The following SND1 variants were observed in gnomAD, a reference collection of about 807,000 sequenced individuals.
SND1 encodes the protein staphylococcal nuclease and tudor domain containing 1.
In SND1, 38 loss-of-function variants were observed where a neutral mutation model predicts 121.7. The ratio of observed to expected loss-of-function variants is 0.31; its 90% confidence interval spans 0.24 to 0.41. The LOEUF (loss-of-function observed/expected upper bound fraction) is 0.41, where lower values mean the gene tolerates loss of function less well. Ranked by LOEUF, SND1 falls within the 10% of genes least tolerant of loss-of-function variation. The probability of loss-of-function intolerance (pLI) is 1.00; values close to 1 mark genes in which losing one functional copy is unlikely to be tolerated. For missense variants in SND1, 868 were observed against 1,184.6 expected, an observed-to-expected ratio of 0.73 and a Z score of 3.92; for synonymous variants, 401 against 447.4, an observed-to-expected ratio of 0.90 and a Z score of 1.31.
Position 127,786,666 on chromosome 7 carries a change from C to T in SND1, c.1153-20818C>T, listed in dbSNP as rs1050493637. ...TTGTTTGTTTGTTTGTTTTTTGAGACGGAGTTTCGCTCTGTCGCCCAGGCT... is the reference window on the plus strand; with the variant it reads ...TTGTTTGTTTGTTTGTTTTTTGAGATGGAGTTTCGCTCTGTCGCCCAGGCT... On this transcript the variant is annotated intron_variant, in intron 10 of 23. Coordinates refer to ENST00000354725, the MANE Select transcript of SND1 (RefSeq NM_014390.4). Among the ~76,000 whole-genome samples, 3 of 152,044 alleles carry T rather than the reference C, an allele frequency of 2.0e-5. 1 individual carries two copies. Among genetic ancestry groups the T allele is most frequent in the East Asian group, 3.9e-4 (2 of 5,166 alleles).
chr7:127,746,751 C>T (rs1796990092), intron 10 of SND1, among the ~76,000 whole-genome samples: 2 of 152,078 alleles, frequency 1.3e-5, no homozygotes, highest in African/African-American at 4.8e-5. Context: ...GATGTCTGGC[C>T]TTTGTAGGTA....
intron 11 of SND1, among the ~76,000 whole-genome samples, chr7:127,833,250 ATTGAACTGTCTTTTTTTT>A (rs1166184353): frequency 2.2e-5 from 3 of 136,008 alleles, no homozygotes; most frequent in Non-Finnish European, 3.2e-5. Flanking sequence ...TGGGAATGTG[ATTGAACTGTCTTTTTTTT>A]TTTTTTTTTT....
At chr7:127,785,261 A>C (rs907162103) in intron 10 of SND1, among the ~76,000 whole-genome samples, 1 of 152,152 alleles carries the variant, frequency 6.6e-6, no homozygotes, top group Non-Finnish European at 1.5e-5. Context: ...TCAAAGTAGA[A>C]ATTAATTGGA....
At chr7:127,748,708 C>T (rs1274580245) in intron 10 of SND1, among the ~76,000 whole-genome samples, 1 of 152,170 alleles carries the variant, frequency 6.6e-6, no homozygotes, top group Non-Finnish European at 1.5e-5. Flanking sequence ...CTGTTAGAAA[C>T]TGCTGTAATT....
intron 1 of SND1, among the ~76,000 whole-genome samples, chr7:127,670,364 T>C (rs987557331): frequency 1.3e-5 from 2 of 152,184 alleles, no homozygotes; most frequent in African/African-American, 4.8e-5. Flanking sequence ...GCCATCCTCC[T>C]ACCTCAGCCT....
In SND1 at chr7:127,701,313, G is replaced by T. The variant is rs758485216; in HGVS notation, c.579G>T (p.Lys193Asn). Residue 193 changes from lysine to asparagine, a missense_variant, in exon 5 of 24, where the codon AAG becomes AAT. By Grantham distance (94) the Lys-to-Asn change is moderately conservative. This residue lies in a region of SND1 where 743 missense variants were observed against 1,071.3 expected (regional missense o/e 0.69). Transcript: ENST00000354725. ...PRHFVDSHHQ[K>N]PVNAIIEHVR... ...ACTTTGTGGACTCACACCACCAGAA[G>T]CCTGTTAATGGTGAGGCTGGTGGGA... The T allele has an allele frequency of 1.4e-5, 23 of 1,613,894 alleles. No homozygotes were observed. The highest frequency in any genetic ancestry group is 1.6e-5 in the Non-Finnish European group (19 of 1,179,892).
chr7:127,876,036 T>A (rs915474354), intron 12 of SND1, among the ~76,000 whole-genome samples: 1 of 152,128 alleles, frequency 6.6e-6, no homozygotes, highest in Admixed American at 6.5e-5. Context: ...AGTTAATAAA[T>A]GTACAGCGTT....
chr7:127,718,624 T>C (rs1365514426), intron 9 of SND1: 1 of 985,308 alleles, frequency 1.0e-6, no homozygotes, highest in African/African-American at 1.7e-5. Flanking sequence ...GAGAGTCTGC[T>C]GCTGGGGCCT....
chr7:127,820,539 G>A (rs1271578016), intron 11 of SND1, among the ~76,000 whole-genome samples: 1 of 152,160 alleles, frequency 6.6e-6, no homozygotes, highest in Non-Finnish European at 1.5e-5. Flanking sequence ...AGGGGCAAAT[G>A]GTAATAAGAT....
At chr7:127,978,846 C>A (rs917230463) in intron 15 of SND1, among the ~76,000 whole-genome samples, 1 of 152,132 alleles carries the variant, frequency 6.6e-6, no homozygotes. Context: ...ACCACCACGC[C>A]TGGCCAATTT....
intron 10 of SND1, among the ~76,000 whole-genome samples, chr7:127,755,311 G>T (rs928964927): frequency 1.3e-5 from 2 of 152,176 alleles, no homozygotes; most frequent in Non-Finnish European, 2.9e-5. Context: ...ATTGTAGTGT[G>T]AGGCATCTGA....
chr7:127,943,275 A>G (rs1475894114), intron 15 of SND1, among the ~76,000 whole-genome samples: 1 of 152,222 alleles, frequency 6.6e-6, no homozygotes, highest in East Asian at 1.9e-4. Context: ...CAGAGCTCCA[A>G]GTGGGGTCCA....
intron 10 of SND1, among the ~76,000 whole-genome samples, chr7:127,770,723 T>TA (rs998413745): frequency 2.0e-4 from 29 of 148,642 alleles, no homozygotes; most frequent in Middle Eastern, 3.5e-3. Flanking sequence ...TTCTTTCAAT[T>TA]AAAAAAAAAA....
chr7:127,829,815 C>A (rs1462735988), intron 11 of SND1, among the ~76,000 whole-genome samples: 2 of 152,102 alleles, frequency 1.3e-5, no homozygotes, highest in Non-Finnish European at 1.5e-5. Context: ...TTATATGATT[C>A]CATTTATACA....
chr7:127,712,056 T>G (rs1452332255), intron 9 of SND1, among the ~76,000 whole-genome samples: 1 of 152,160 alleles, frequency 6.6e-6, no homozygotes, highest in Non-Finnish European at 1.5e-5. Flanking sequence ...GAGGCTTTCC[T>G]CAGATATTTG....
At chr7:127,818,167 T>C (rs1798482416) in intron 11 of SND1, among the ~76,000 whole-genome samples, 1 of 152,210 alleles carries the variant, frequency 6.6e-6, no homozygotes, top group African/African-American at 2.4e-5. Flanking sequence ...TACTGTCTGG[T>C]TGAAATACAA....
At chr7:127,713,893 G>A (rs1796338965) in intron 9 of SND1, among the ~76,000 whole-genome samples, 1 of 152,222 alleles carries the variant, frequency 6.6e-6, no homozygotes, top group Admixed American at 6.5e-5. Context: ...ACAGCGATTA[G>A]CTGAGCTTGC....
intron 15 of SND1, among the ~76,000 whole-genome samples, chr7:127,948,269 C>A (rs1396266488): frequency 6.6e-6 from 1 of 152,166 alleles, no homozygotes; most frequent in Non-Finnish European, 1.5e-5. Context: ...CCTCTCAACC[C>A]CCCATTGTTA....
intron 8 of SND1, 112 bp downstream of exon 8, chr7:127,705,057 T>A: frequency 1.2e-6 from 1 of 861,116 alleles, no homozygotes; most frequent in Non-Finnish European, 1.9e-6. Context: ...TTTACTTCAG[T>A]AAAGGAGTAG....
Sources: gnomAD v4.1 joint callset for allele counts (sites outside exome capture counted in the v4.1 genomes callset) on GRCh38, gnomAD v4.1.1 for gene constraint, gnomAD v4.1.1 regional missense constraint, MANE v1.5 for transcripts, NCBI Gene and HGNC (gene_info 2026-07-23, HGNC 2026-07-21) for gene names.